The following WIPF3 variants were observed in gnomAD, a reference collection of about 807,000 sequenced individuals.
The protein encoded by WIPF3 is WAS/WASL-interacting protein family member 3.
WIPF3 carries 33 observed loss-of-function variants against 38.9 expected under a neutral mutation model. The ratio of observed to expected loss-of-function variants is 0.85; its 90% CI spans 0.64 to 1.14. The LOEUF (loss-of-function observed/expected upper bound fraction) is 1.14, where lower values mean the gene tolerates loss of function less well. Among genes scored for constraint, WIPF3 ranks in the 50% most tolerant of loss-of-function variants. The pLI, the probability that WIPF3 is intolerant of heterozygous loss-of-function variation, is 0.00. For missense variants in WIPF3, 711 were observed against 652.5 expected, an observed-to-expected ratio of 1.09 and a Z score of -0.98; for synonymous variants, 324 against 269.3, an observed-to-expected ratio of 1.20 and a Z score of -1.99.
At chr7:29,879,483 C>T (rs539613778) in intron 4 of WIPF3, among the ~76,000 whole-genome samples, 2 of 152,330 alleles carry the variant, frequency 1.3e-5, no homozygotes, top group East Asian at 3.9e-4. Flanking sequence ...ATAGTGACAT[C>T]ACTGTGGATG....
At chr7:29,815,864 C>T (rs1380062182) in intron 1 of WIPF3, among the ~76,000 whole-genome samples, 3 of 152,102 alleles carry the variant, frequency 2.0e-5, no homozygotes, top group African/African-American at 7.2e-5. Flanking sequence ...CCTGGTCAGT[C>T]GCCTCTAACT....
At chr7:29,861,712 T>C (rs1390144180) in intron 2 of WIPF3, among the ~76,000 whole-genome samples, 1 of 152,200 alleles carries the variant, frequency 6.6e-6, no homozygotes, top group Non-Finnish European at 1.5e-5. Context: ...ACGGATTGAA[T>C]GGCTGGCGTG....
intron 2 of WIPF3, among the ~76,000 whole-genome samples, chr7:29,859,167 A>G (rs1785235472): frequency 6.6e-6 from 1 of 152,228 alleles, no homozygotes; most frequent in Non-Finnish European, 1.5e-5. Flanking sequence ...GGTAGCAGTA[A>G]GAATGGATAA....
chr7:29,902,472 A>G (rs1259427478), intron 7 of WIPF3, among the ~76,000 whole-genome samples: 7 of 152,172 alleles, frequency 4.6e-5, no homozygotes, highest in Non-Finnish European at 8.8e-5. Flanking sequence ...AATTTAAAAA[A>G]TTGTACCTTA....
intron 7 of WIPF3, among the ~76,000 whole-genome samples, chr7:29,896,317 C>A (rs1207954371): frequency 1.5e-5 from 2 of 130,504 alleles, no homozygotes; most frequent in African/African-American, 5.5e-5. Context: ...GAGATCCTCT[C>A]TCTGAAAAAA....
chr7:29,905,974 AC>A (rs1263479886), intron 8 of WIPF3: 1 of 152,198 alleles, frequency 6.6e-6, no homozygotes, highest in Non-Finnish European at 1.5e-5. Context: ...TTAAGATTAC[AC>A]CTCAGACTGA....
chr7:29,884,361 T>TCCCCCCCCCCCCCCCCCCCC lies in WIPF3; in HGVS notation c.870_871insCCCCCCCCCCCCCCCCCCCC (p.Ala291ProfsTer90). 3.3e-5 allele frequency: 43 copies of TCCCCCCCCCCCCCCCCCCCC among 1,317,920 alleles called. No homozygotes were observed. The highest frequency in any genetic ancestry group is 5.5e-5 in the South Asian group (4 of 72,382). 81.6% of individuals were successfully genotyped at this position (1,317,920 alleles called of 1,614,324 possible). A position where few individuals can be genotyped will look rare whatever the true frequency, so the allele number is the denominator to read the frequency against. On this transcript the variant is annotated frameshift_variant, in exon 5 of 9. Coordinates refer to ENST00000242140, the MANE Select transcript of WIPF3 (RefSeq NM_001080529.3). LOFTEE classifies it high-confidence loss of function. ...GCCCTGCGCAAGATGCGCAGGAGCCTCCCGCCCCGCCGCCCCCGCTCCCCC... is the reference window on the plus strand; with the variant it reads ...GCCCTGCGCAAGATGCGCAGGAGCCTCCCCCCCCCCCCCCCCCCCCCCCGCCCCGCCGCCCCCGCTCCCCC...
intron 2 of WIPF3, among the ~76,000 whole-genome samples, chr7:29,840,673 G>A (rs1583598674): frequency 1.3e-5 from 2 of 152,302 alleles, no homozygotes; most frequent in East Asian, 3.9e-4. Flanking sequence ...AAGGTAGAAA[G>A]CATGGTAAGA....
intron 2 of WIPF3, among the ~76,000 whole-genome samples, chr7:29,846,856 G>T (rs1785009439): frequency 6.6e-6 from 1 of 152,200 alleles, no homozygotes; most frequent in African/African-American, 2.4e-5. Flanking sequence ...ACAAAACGTG[G>T]ATTCTAGAGT....
chr7:29,827,866 C>G (rs916994304), intron 1 of WIPF3, among the ~76,000 whole-genome samples: 1 of 152,196 alleles, frequency 6.6e-6, no homozygotes, highest in Admixed American at 6.5e-5. Flanking sequence ...ACAATCGCAG[C>G]TTACTGCAGC....
At chr7:29,862,526 G>C (rs926758520) in intron 2 of WIPF3, among the ~76,000 whole-genome samples, 1 of 152,174 alleles carries the variant, frequency 6.6e-6, no homozygotes, top group Non-Finnish European at 1.5e-5. Context: ...AAGTGGCCCA[G>C]TGGGCATATC....
chr7:29,824,823 C>T (rs1292197688), intron 1 of WIPF3, among the ~76,000 whole-genome samples: 3 of 152,116 alleles, frequency 2.0e-5, no homozygotes, highest in Non-Finnish European at 4.4e-5. Context: ...AGGCTCCTTG[C>T]TGCAGGCTGT....
In WIPF3 at chr7:29,883,927, A is replaced by G. The variant is rs931440383; in HGVS notation, c.433A>G (p.Ile145Val). The G allele has an allele frequency of 6.4e-7, 1 of 1,563,310 alleles. No individual in the cohort carries two copies. The highest frequency in any genetic ancestry group is 1.9e-5 in the Admixed American group (1 of 53,114). Reference protein sequence around the residue: ...LPNKTISGPLIPPASPRLGNT... With the variant: ...LPNKTISGPLVPPASPRLGNT... ...CAACAAAACCATCAGCGGCCCGCTT[A>G]TCCCGCCTGCCTCTCCCAGGCTAGG... The change falls in exon 5 of 9, where the codon ATC becomes GTC. Residue 145 changes from isoleucine (I) to valine (V), a missense_variant. Ile to Val is a conservative substitution (Grantham distance 29). Coordinates refer to ENST00000242140, the MANE Select transcript of WIPF3 (RefSeq NM_001080529.3).
intron 1 of WIPF3, among the ~76,000 whole-genome samples, chr7:29,825,709 G>C (rs1044528649): frequency 1.3e-5 from 2 of 152,062 alleles, no homozygotes; most frequent in Non-Finnish European, 2.9e-5. Flanking sequence ...TGAATGATCT[G>C]GGAACAAATT....
At chr7:29,807,967 T>A (rs1298113233) in intron 1 of WIPF3, among the ~76,000 whole-genome samples, 12 of 152,188 alleles carry the variant, frequency 7.9e-5, no homozygotes, top group African/African-American at 2.9e-4. Flanking sequence ...CAATTTTTTT[T>A]AACTTTATCA....
intron 2 of WIPF3, among the ~76,000 whole-genome samples, chr7:29,874,079 C>A (rs1420691176): frequency 6.6e-6 from 1 of 152,150 alleles, no homozygotes; most frequent in Admixed American, 6.5e-5. Flanking sequence ...GCCTTCCTCT[C>A]TGGGGAACCA....
chr7:29,890,676 C>G (rs997587805), intron 7 of WIPF3, among the ~76,000 whole-genome samples: 1 of 152,188 alleles, frequency 6.6e-6, no homozygotes, highest in Non-Finnish European at 1.5e-5. Context: ...GCAGGCCTGC[C>G]GTGTGCTCAG....
intron 2 of WIPF3, among the ~76,000 whole-genome samples, chr7:29,850,233 T>G (rs1785072107): frequency 6.6e-6 from 1 of 152,202 alleles, no homozygotes; most frequent in African/African-American, 2.4e-5. Context: ...AGTAAAATTT[T>G]ATTGATAGGT....
Position 29,884,192 on chromosome 7 carries a change from C to T in WIPF3, c.698C>T (p.Thr233Met), listed in dbSNP as rs966665993. 9 of 1,510,752 alleles carry T rather than the reference C, an allele frequency of 6.0e-6. No individual in the cohort carries two copies. In the African/African-American group the frequency reaches 1.3e-4, roughly 22 times the overall value. The allele number at this position is 1,510,752 out of a possible 1,614,324, so 93.6% of individuals were successfully genotyped here. Residue 233 changes from threonine (T) to methionine (M), a missense_variant, in exon 5 of 9, where the codon ACG becomes ATG. Transcript: ENST00000242140. ...PPPPPPPPPPTPPPLPPASVL... is the reference protein window; with the variant it reads ...PPPPPPPPPPMPPPLPPASVL... ...CCTCCACCTCCGCCACCTCCCCCAA[C>T]GCCACCCCCGCTGCCCCCGGCCTCG... is the stretch of plus-strand genomic sequence containing the variant.
Sources: gnomAD v4.1 joint callset for allele counts (sites outside exome capture counted in the v4.1 genomes callset) on GRCh38, gnomAD v4.1.1 for gene constraint, MANE v1.5 for transcripts, NCBI Gene and HGNC (gene_info 2026-07-23, HGNC 2026-07-21) for gene names.